Variants in TENT5D observed in about 807,000 individuals in gnomAD.
The protein encoded by TENT5D is terminal nucleotidyltransferase 5D, also known as cancer/testis antigen 112.
For missense variants in TENT5D, 191 were observed against 287.0 expected, an observed-to-expected ratio of 0.67 and a Z score of 2.42; for synonymous variants, 103 against 100.6, an observed-to-expected ratio of 1.02 and a Z score of -0.15.
intron 3 of TENT5D, among the ~76,000 whole-genome samples, chrX:80,404,790 C>CACAAGGCTTTAAAGGCCTT (rs1286606523): frequency 8.9e-6 from 1 of 111,844 alleles, no homozygotes; most frequent in Non-Finnish European, 1.9e-5. Flanking sequence ...CCCTGTAACT[C>CACAAGGCTTTAAAGGCCTT]AATGGCACAA....
chrX:80,396,928 C>A (rs55703029), intron 3 of TENT5D, among the ~76,000 whole-genome samples: 1 of 39,224 alleles, frequency 2.5e-5, no homozygotes, highest in Non-Finnish European at 5.0e-5. Flanking sequence ...CCCTCCCAGA[C>A]GGGGCGGCTG....
At chrX:80,387,004 A>T (rs1314402277) in intron 3 of TENT5D, among the ~76,000 whole-genome samples, 1 of 112,500 alleles carries the variant, frequency 8.9e-6, no homozygotes, top group Non-Finnish European at 1.9e-5. Flanking sequence ...AGGAAAGAAA[A>T]AAGGTAAACA....
At chrX:80,433,365 A>G (rs946274439) in intron 1 of TENT5D, among the ~76,000 whole-genome samples, 3 of 111,964 alleles carry the variant, frequency 2.7e-5, no homozygotes, top group Non-Finnish European at 5.6e-5. Flanking sequence ...TTTCTCTCTT[A>G]CTGCCACACT....
At chrX:80,365,929 G>A (rs1255873597) in intron 3 of TENT5D, among the ~76,000 whole-genome samples, 1 of 110,856 alleles carries the variant, frequency 9.0e-6, no homozygotes, top group Non-Finnish European at 1.9e-5. Context: ...TTCAATGAAA[G>A]GTAGGAGTCA....
intron 3 of TENT5D, among the ~76,000 whole-genome samples, chrX:80,410,301 C>G (rs1412096086): frequency 5.1e-5 from 5 of 97,524 alleles, no homozygotes; most frequent in African/African-American, 1.5e-4. Flanking sequence ...TCAGAGTGAA[C>G]AGGCAACCTA....
chrX:80,405,955 C>T (rs1323423990), intron 3 of TENT5D, among the ~76,000 whole-genome samples: 1 of 109,494 alleles, frequency 9.1e-6, no homozygotes, highest in African/African-American at 3.3e-5. Flanking sequence ...GACCCCCGAG[C>T]AGCCTAACTG....
intron 3 of TENT5D, among the ~76,000 whole-genome samples, chrX:80,350,720 G>A (rs1163910180): frequency 9.0e-6 from 1 of 111,602 alleles, no homozygotes; most frequent in Non-Finnish European, 1.9e-5. Context: ...TTGCACATTA[G>A]TTGATGCAGT....
intron 3 of TENT5D, among the ~76,000 whole-genome samples, chrX:80,374,924 A>G (rs1277801054): frequency 1.8e-5 from 2 of 111,234 alleles, no homozygotes; most frequent in Admixed American, 9.7e-5. Context: ...AGCTCTCAGA[A>G]CGTTTTGGAT....
At chrX:80,379,264 A>G (rs1172129610) in intron 3 of TENT5D, among the ~76,000 whole-genome samples, 1 of 108,439 alleles carries the variant, frequency 9.2e-6, no homozygotes, top group Admixed American at 9.8e-5. Flanking sequence ...TGATTTGCAT[A>G]TGTTGAACCA....
At chrX:80,376,625 CTGCTGGATTTTAGCTCTCCCCA>C (rs1447695347) in intron 3 of TENT5D, among the ~76,000 whole-genome samples, 4 of 111,104 alleles carry the variant, frequency 3.6e-5, no homozygotes, top group Admixed American at 2.9e-4. Flanking sequence ...CATAAAATCC[CTGCTGGATTTTAGCTCTCCCCA>C]TGTAGGTTTT....
upstream of TENT5D, among the ~76,000 whole-genome samples, chrX:80,415,764 T>C (rs1007513278): frequency 9.0e-6 from 1 of 111,688 alleles, no homozygotes; most frequent in African/African-American, 3.3e-5. Context: ...TCTTTTTTGT[T>C]TTGACTTTGC....
In TENT5D at chrX:80,390,912, CAA is replaced by C. The variant is rs781593475; in HGVS notation, c.-141-47696_-141-47695del. ...TGTATGCTGTTTATCAATATAGAAA[CAA>C]ATATAATTACCAAAAATATTCCTTT... On this transcript the variant is annotated intron_variant, in intron 3 of 4. Transcript: ENST00000538312. 8.9e-5 allele frequency among the ~76,000 whole-genome samples: 10 copies of C among 111,789 alleles called. No individual in the cohort carries two copies. The East Asian group carries it at 2.5e-3, about 28-fold the overall frequency.
intron 1 of TENT5D, among the ~76,000 whole-genome samples, chrX:80,422,102 AAG>A (rs1931896814): frequency 9.0e-6 from 1 of 111,345 alleles, no homozygotes; most frequent in Non-Finnish European, 1.9e-5. Context: ...GGAGAATGGA[AAG>A]TAATAAGAGA....
chrX:80,368,345 GC>G (rs1286591903), intron 3 of TENT5D, among the ~76,000 whole-genome samples: 8 of 111,273 alleles, frequency 7.2e-5, no homozygotes, highest in African/African-American at 9.8e-5. Flanking sequence ...ATTTAAGATG[GC>G]TCAGATGTCA....
At chrX:80,344,723 C>G (rs993115323) in intron 3 of TENT5D, among the ~76,000 whole-genome samples, 3 of 110,945 alleles carry the variant, frequency 2.7e-5, no homozygotes, top group African/African-American at 9.8e-5. Context: ...TAGCACTCTT[C>G]TAGGTTAAGC....
chrX:80,354,635 A>G (rs182288847), intron 3 of TENT5D, among the ~76,000 whole-genome samples: 142 of 111,796 alleles, frequency 1.3e-3, no homozygotes, highest in African/African-American at 4.4e-3. Context: ...CTGTATGTCA[A>G]TGAGCTTCCT....
At chrX:80,371,318 A>G (rs1318453381) in intron 3 of TENT5D, among the ~76,000 whole-genome samples, 2 of 111,662 alleles carry the variant, frequency 1.8e-5, no homozygotes, top group African/African-American at 6.5e-5. Flanking sequence ...GCATAGAAAG[A>G]GTACATTTAT....
intron 3 of TENT5D, among the ~76,000 whole-genome samples, chrX:80,387,995 C>T (rs926491136): frequency 3.6e-5 from 4 of 111,407 alleles, no homozygotes; most frequent in Non-Finnish European, 7.5e-5. Context: ...AGAGCAGTCT[C>T]CCCTGCTGGC....
At chrX:80,384,859 T>G (rs1273276651) in intron 3 of TENT5D, among the ~76,000 whole-genome samples, 1 of 109,737 alleles carries the variant, frequency 9.1e-6, no homozygotes, top group Non-Finnish European at 1.9e-5. Flanking sequence ...GAATCCAACT[T>G]ACAAGGGATG....
Sources: gnomAD v4.1 joint callset for allele counts (sites outside exome capture counted in the v4.1 genomes callset) on GRCh38, gnomAD v4.1.1 for gene constraint, MANE v1.5 for transcripts, NCBI Gene and HGNC (gene_info 2026-07-23, HGNC 2026-07-21) for gene names.